The following ZMYND8 variants were observed in gnomAD, a reference collection of about 807,000 sequenced individuals.
ZMYND8 encodes MYND-type zinc finger-containing chromatin reader ZMYND8.
A neutral mutation model predicts 140.8 loss-of-function variants in ZMYND8; 37 were observed. The ratio of observed to expected loss-of-function variants is 0.26; its 90% confidence interval spans 0.20 to 0.35. ZMYND8 has a LOEUF of 0.35. Among genes scored for constraint, ZMYND8 ranks in the 10% least tolerant of loss-of-function variants. ZMYND8 has a pLI of 1.00. For synonymous variants in ZMYND8, 592 were observed against 597.1 expected, an observed-to-expected ratio of 0.99 and a Z score of 0.12; for missense variants, 1,068 against 1,570.0, an observed-to-expected ratio of 0.68 and a Z score of 5.40.
At chr20:47,356,631 A>G (rs750536897) in intron 1 of ZMYND8, 26 bp downstream of exon 1, 1 of 1,614,134 alleles carries the variant, frequency 6.2e-7, no homozygotes. Flanking sequence ...GAGGGGGAAA[A>G]AAGATGGTTA....
chr20:47,253,894 C>T (rs768125066), intron 12 of ZMYND8, among the ~76,000 whole-genome samples: 3 of 152,230 alleles, frequency 2.0e-5, no homozygotes, highest in Non-Finnish European at 4.4e-5. Flanking sequence ...ACTGAGGTTT[C>T]TCTGGTCAGT....
intron 8 of ZMYND8, among the ~76,000 whole-genome samples, chr20:47,284,058 G>A (rs886984916): frequency 3.3e-5 from 5 of 152,174 alleles, no homozygotes; most frequent in Non-Finnish European, 7.3e-5. Flanking sequence ...AAGTAGCAGA[G>A]ATTACAGGCG....
intron 4 of ZMYND8, among the ~76,000 whole-genome samples, chr20:47,295,769 G>A (rs561548238): frequency 6.6e-6 from 1 of 152,306 alleles, no homozygotes; most frequent in African/African-American, 2.4e-5. Context: ...CCAAAGGAAC[G>A]TCTGAAACCA....
At chr20:47,338,558 T>G (rs1487954494) in intron 2 of ZMYND8, among the ~76,000 whole-genome samples, 1 of 152,104 alleles carries the variant, frequency 6.6e-6, no homozygotes, top group African/African-American at 2.4e-5. Context: ...CATGCAGACT[T>G]CAGCTCTGGG....
intron 2 of ZMYND8, chr20:47,320,050 G>A (rs1342212021): frequency 2.0e-5 from 3 of 152,240 alleles, no homozygotes; most frequent in Non-Finnish European, 2.9e-5. Context: ...CCCCTGCCTG[G>A]CTTGGGTTCT....
intron 3 of ZMYND8, among the ~76,000 whole-genome samples, chr20:47,307,157 A>T (rs1352776425): frequency 1.3e-5 from 2 of 152,094 alleles, no homozygotes; most frequent in African/African-American, 4.8e-5. Context: ...AAAAAAAGGG[A>T]CCCCGGAACT....
chr20:47,240,463 G>A (rs1209597742), intron 14 of ZMYND8, among the ~76,000 whole-genome samples: 1 of 151,390 alleles, frequency 6.6e-6, no homozygotes, highest in Non-Finnish European at 1.5e-5. Flanking sequence ...GCAGGGAGCC[G>A]AGACCATGCC....
intron 2 of ZMYND8, among the ~76,000 whole-genome samples, 194 bp from the exon 3 acceptor site, chr20:47,310,398 T>C (rs559615368): frequency 6.6e-6 from 1 of 152,206 alleles, no homozygotes; most frequent in African/African-American, 2.4e-5. Flanking sequence ...CAGACAAGTA[T>C]TTCTTTGACC....
intron 3 of ZMYND8, among the ~76,000 whole-genome samples, chr20:47,306,186 G>C (rs1272340401): frequency 6.6e-6 from 1 of 152,094 alleles, no homozygotes; most frequent in African/African-American, 2.4e-5. Flanking sequence ...CCAGGAGTTC[G>C]AGACCAACCA....
intron 9 of ZMYND8, among the ~76,000 whole-genome samples, chr20:47,282,508 T>A (rs1224022684): frequency 6.6e-6 from 1 of 152,146 alleles, no homozygotes; most frequent in African/African-American, 2.4e-5. Flanking sequence ...GTGGATCACC[T>A]GAGGTCAGGA....
intron 17 of ZMYND8, 93 bp from the exon 18 acceptor site, chr20:47,227,374 T>G: frequency 8.3e-7 from 1 of 1,206,270 alleles, no homozygotes; most frequent in South Asian, 1.2e-5. Flanking sequence ...GTGAGGGGTA[T>G]GGGAATCATG....
At chr20:47,264,235 G>A (rs1018559597) in intron 11 of ZMYND8, among the ~76,000 whole-genome samples, 1 of 152,206 alleles carries the variant, frequency 6.6e-6, no homozygotes, top group African/African-American at 2.4e-5. Flanking sequence ...CGCCGAGCAA[G>A]TGCTCAATAA....
intron 2 of ZMYND8, among the ~76,000 whole-genome samples, chr20:47,346,511 C>A (rs1008321147): frequency 1.3e-5 from 2 of 152,204 alleles, no homozygotes; most frequent in African/African-American, 2.4e-5. Flanking sequence ...CAGGGTGCCT[C>A]CCCTTCTGTG....
At chr20:47,339,294 T>A (rs541032762) in intron 2 of ZMYND8, among the ~76,000 whole-genome samples, 1 of 151,990 alleles carries the variant, frequency 6.6e-6, no homozygotes, top group East Asian at 2.0e-4. Context: ...CTGTGCCCCC[T>A]CTAAGCAGGG....
intron 3 of ZMYND8, among the ~76,000 whole-genome samples, chr20:47,307,493 G>A (rs781535351): frequency 6.6e-5 from 10 of 151,984 alleles, no homozygotes; most frequent in East Asian, 3.9e-4. Flanking sequence ...AAGGGACACC[G>A]GAAAGCCCAG....
chr20:47,328,599 G>A (rs905236176), intron 2 of ZMYND8, among the ~76,000 whole-genome samples: 5 of 152,142 alleles, frequency 3.3e-5, no homozygotes, highest in African/African-American at 1.2e-4. Context: ...GAGTAGCTGG[G>A]ATTACAGGCG....
intron 22 of ZMYND8, 95 bp from the exon 23 acceptor site, chr20:47,210,992 C>A: frequency 6.6e-7 from 1 of 1,515,412 alleles, no homozygotes; most frequent in South Asian, 1.3e-5. Context: ...CACAGGAAAC[C>A]ACCTTCCCCT....
At chr20:47,353,115 C>T (rs1203009751) in intron 1 of ZMYND8, 1 of 152,084 alleles carries the variant, frequency 6.6e-6, no homozygotes, top group Non-Finnish European at 1.5e-5. Flanking sequence ...AGACATCACG[C>T]GTTGCAAGTG....
Position 47,298,348 on chromosome 20 carries a change from T to C in ZMYND8, c.453+381A>G, listed in dbSNP as rs1033683781. 8 of 985,406 alleles carry C rather than the reference T, an allele frequency of 8.1e-6. No homozygotes were observed. Among genetic ancestry groups the C allele is most frequent in the Non-Finnish European group, 9.6e-6 (8 of 829,932 alleles). 61.0% of individuals were successfully genotyped at this position (985,406 alleles called of 1,614,324 possible). On this transcript the variant is annotated intron_variant, in intron 4 of 22. Coordinates refer to ENST00000471951, the MANE Select transcript of ZMYND8 (RefSeq NM_001281775.3). The surrounding 1 kb of genome is among the most constrained non-coding windows in gnomAD (Gnocchi z 5.0). ...AGCTTGGCTACTGCTGATGATTCAA[T>C]GATGCGGCAGGCAACAACATCCAAG... is the stretch of plus-strand genomic sequence containing the variant.
Sources: allele counts gnomAD v4.1 joint callset (sites outside exome capture counted in the v4.1 genomes callset), GRCh38; gene constraint gnomAD v4.1.1; non-coding constraint Gnocchi (gnomAD v3.1); transcripts MANE v1.5; gene names NCBI Gene and HGNC (gene_info 2026-07-23, HGNC 2026-07-21).